Variants in RBFOX1 observed in about 807,000 individuals in gnomAD.
RBFOX1 encodes the protein RNA binding fox-1 homolog 1.
A neutral mutation model predicts 57.7 loss-of-function variants in RBFOX1; 8 were observed. That is an observed-to-expected ratio of 0.14 (90% CI 0.08 to 0.25). The LOEUF is 0.25. Ranked by LOEUF, RBFOX1 falls within the 10% of genes least tolerant of loss-of-function variation. RBFOX1 has a pLI of 1.00. For missense variants in RBFOX1, 611 were observed against 548.5 expected (o/e 1.11, Z -1.14); for synonymous variants, 326 against 222.4 (o/e 1.47, Z -4.15).
At chr16:6,855,557 G>A (rs1378485596) in intron 3 of RBFOX1, among the ~76,000 whole-genome samples, 2 of 151,116 alleles carry the variant, frequency 1.3e-5, no homozygotes, top group African/African-American at 4.9e-5. Flanking sequence ...GGAGGCTGAG[G>A]CAGGAGAATG....
rs150988486 is a variant in RBFOX1, at chr16:5,782,988, G to A, written c.319-84315G>A. 5.3e-5 allele frequency among the ~76,000 whole-genome samples: 8 copies of A among 152,186 alleles called. No individual in the cohort carries two copies. The East Asian group carries it at 1.2e-3, about 22-fold the overall frequency. On this transcript the variant is annotated intron_variant, in intron 3 of 19. Transcript: ENST00000641259. ...ACGGGTGAGGGTCATTCACTTTGTC[G>A]AGTCCACTGATTTAAATACTCTTTG...
chr16:6,105,301 C>A (rs186662537), intron 1 of RBFOX1, among the ~76,000 whole-genome samples: 1 of 152,090 alleles, frequency 6.6e-6, no homozygotes, highest in African/African-American at 2.4e-5. Context: ...CCATTTGTAA[C>A]GCATGATTCA....
intron 3 of RBFOX1, among the ~76,000 whole-genome samples, chr16:5,663,056 A>C (rs191535606): frequency 1.3e-5 from 2 of 152,254 alleles, no homozygotes; most frequent in East Asian, 3.9e-4. Flanking sequence ...TGATTGTCAC[A>C]TCTGGGGCAG....
At chr16:6,527,221 T>G (rs2096593351) in intron 2 of RBFOX1, among the ~76,000 whole-genome samples, 1 of 152,184 alleles carries the variant, frequency 6.6e-6, no homozygotes, top group South Asian at 2.1e-4. Flanking sequence ...ACTCCACATT[T>G]CCCTTTCCAG....
chr16:5,275,357 T>C (rs1728457392), intron 1 of RBFOX1, among the ~76,000 whole-genome samples: 1 of 152,194 alleles, frequency 6.6e-6, no homozygotes, highest in Non-Finnish European at 1.5e-5. Flanking sequence ...TTTATCAGGA[T>C]ACAAAATCTA....
At chr16:7,280,735 A>C (rs13332302) in intron 4 of RBFOX1, among the ~76,000 whole-genome samples, 3,865 of 152,198 alleles carry the variant, frequency 0.025, 96 homozygotes, top group African/African-American at 0.065. Context: ...AGTTTTATCC[A>C]TTGTAGGATG....
At chr16:7,615,841 C>G (rs2058350307) in intron 10 of RBFOX1, among the ~76,000 whole-genome samples, 1 of 152,180 alleles carries the variant, frequency 6.6e-6, no homozygotes, top group East Asian at 1.9e-4. Flanking sequence ...GTTATCTGGC[C>G]CAAAATGTCA....
chr16:7,248,616 C>G (rs142816375), intron 4 of RBFOX1, among the ~76,000 whole-genome samples: 1,531 of 152,224 alleles, frequency 0.01, 20 homozygotes, highest in African/African-American at 0.035. Flanking sequence ...GGTGAGTGAA[C>G]TTAGTTTTTG....
chr16:5,685,845 T>C (rs1371580920), intron 3 of RBFOX1, among the ~76,000 whole-genome samples: 1 of 152,190 alleles, frequency 6.6e-6, no homozygotes, highest in Non-Finnish European at 1.5e-5. Flanking sequence ...ATTTCACCTT[T>C]AATTATGTGA....
At chr16:6,464,108 G>A (rs888641561) in intron 2 of RBFOX1, among the ~76,000 whole-genome samples, 6 of 152,208 alleles carry the variant, frequency 3.9e-5, no homozygotes, top group South Asian at 2.1e-4. Context: ...CTTTTTCATC[G>A]AAATGTGGGC....
At chr16:6,369,118 T>C (rs2090077815) in intron 2 of RBFOX1, among the ~76,000 whole-genome samples, 1 of 152,230 alleles carries the variant, frequency 6.6e-6, no homozygotes, top group Admixed American at 6.5e-5. Context: ...GTATATATGT[T>C]TGTCAGGGAT....
intron 4 of RBFOX1, among the ~76,000 whole-genome samples, chr16:5,876,500 G>T (rs140708898): frequency 6.6e-6 from 1 of 152,074 alleles, no homozygotes; most frequent in Non-Finnish European, 1.5e-5. Flanking sequence ...AGAGGCAAAG[G>T]CTCAGTCTTT....
chr16:5,833,160 TCTC>T (rs1430137371), intron 3 of RBFOX1, among the ~76,000 whole-genome samples: 1 of 152,100 alleles, frequency 6.6e-6, no homozygotes, highest in East Asian at 1.9e-4. Context: ...GAAAGTGACA[TCTC>T]CTCCTAATTT....
chr16:6,804,549 A>G (rs1191689351), intron 3 of RBFOX1, among the ~76,000 whole-genome samples: 4 of 152,136 alleles, frequency 2.6e-5, no homozygotes, highest in African/African-American at 9.7e-5. Flanking sequence ...ATTGGACTCT[A>G]AATATTGTAT....
At chr16:7,670,191 C>A (rs1193121632) in intron 13 of RBFOX1, among the ~76,000 whole-genome samples, 1 of 152,074 alleles carries the variant, frequency 6.6e-6, no homozygotes, top group Non-Finnish European at 1.5e-5. Flanking sequence ...ACCACGACGC[C>A]TGGCTAATTT....
intron 3 of RBFOX1, among the ~76,000 whole-genome samples, chr16:5,822,090 T>C (rs957597553): frequency 6.6e-6 from 1 of 152,240 alleles, no homozygotes; most frequent in Non-Finnish European, 1.5e-5. Context: ...GATTTTGCTG[T>C]TGTGAATTGT....
intron 4 of RBFOX1, among the ~76,000 whole-genome samples, chr16:7,284,505 A>G (rs2032275585): frequency 6.6e-6 from 1 of 151,538 alleles, no homozygotes; most frequent in Admixed American, 6.6e-5. Context: ...TAATTTTTTA[A>G]CTTCTTGTAG....
At chr16:6,094,760 A>G (rs964558709) in intron 1 of RBFOX1, among the ~76,000 whole-genome samples, 1 of 152,188 alleles carries the variant, frequency 6.6e-6, no homozygotes, top group Non-Finnish European at 1.5e-5. Flanking sequence ...TGAGGATTAA[A>G]TTAAATTATA....
upstream of RBFOX1, among the ~76,000 whole-genome samples, chr16:6,018,563 G>C (rs1053375571): frequency 2.6e-5 from 4 of 152,140 alleles, no homozygotes; most frequent in African/African-American, 9.7e-5. Context: ...GTGCGGGGTG[G>C]GGGCGTCCCA....
Sources: allele counts gnomAD v4.1 joint callset (sites outside exome capture counted in the v4.1 genomes callset), GRCh38; gene constraint gnomAD v4.1.1; transcripts MANE v1.5; gene names NCBI Gene and HGNC (gene_info 2026-07-23, HGNC 2026-07-21).